The following FYTTD1 variants were observed in gnomAD, a reference collection of about 807,000 sequenced individuals.
FYTTD1 encodes the protein forty-two-three domain containing 1, also known as UAP56-interacting factor.
In FYTTD1, 22 loss-of-function variants were observed where a neutral mutation model predicts 40.9. The observed-to-expected ratio is 0.54, with a 90% confidence interval of 0.38 to 0.77. The LOEUF is 0.77. Among genes scored for constraint, FYTTD1 ranks in the 30% least tolerant of loss-of-function variants. The probability of loss-of-function intolerance (pLI) is 0.00; values close to 1 mark genes in which losing one functional copy is unlikely to be tolerated. For synonymous variants in FYTTD1, 140 were observed against 137.9 expected (o/e 1.01, Z -0.10); for missense variants, 351 against 392.2 (o/e 0.90, Z 0.89).
intron 2 of FYTTD1, chr3:197,763,460 C>T (rs1729450879): frequency 2.4e-6 from 1 of 412,906 alleles, no homozygotes; most frequent in Non-Finnish European, 4.7e-6. Context: ...TAAATATAAC[C>T]CACAGACACA....
rs552136694 is a variant in FYTTD1 at position 197,783,017 on chromosome 3, A to G, written c.*1108A>G. The G allele has an allele frequency of 1.3e-5, 2 of 152,770 alleles. No individual in the cohort carries two copies. Among genetic ancestry groups the G allele is most frequent in the East Asian group, 1.9e-4 (1 of 5,190 alleles). 9.5% of individuals were successfully genotyped at this position (152,770 alleles called of 1,614,324 possible). Reference sequence around the variant, plus strand: ...AATGCAAAATTTATAATAGAGTTACATTAACCTTGTTGTTTACCTTTCACT... The same window carrying G: ...AATGCAAAATTTATAATAGAGTTACGTTAACCTTGTTGTTTACCTTTCACT... On this transcript the variant is annotated 3_prime_UTR_variant, in exon 9 of 9. Coordinates refer to ENST00000241502, the MANE Select transcript of FYTTD1 (RefSeq NM_032288.7).
At chr3:197,781,669 A>G (rs1730031105) in intron 8 of FYTTD1, 142 bp from the exon 9 acceptor site, 2 of 589,148 alleles carry the variant, frequency 3.4e-6, no homozygotes, top group Non-Finnish European at 6.1e-6. Flanking sequence ...ATGAGGTCAT[A>G]CATGTAAATA....
chr3:197,779,939 CACCTGGGGATACAGGCACACACCAT>C (rs1729981711), intron 8 of FYTTD1, among the ~76,000 whole-genome samples: 1 of 147,256 alleles, frequency 6.8e-6, no homozygotes, highest in Non-Finnish European at 1.5e-5. Context: ...ACACACACCA[CACCTGGGGATACAGGCACACACCAT>C]ACCTGGGGAT....
intron 6 of FYTTD1, among the ~76,000 whole-genome samples, chr3:197,775,790 T>G (rs1156324125): frequency 2.0e-5 from 3 of 152,184 alleles, no homozygotes; most frequent in South Asian, 2.1e-4. Flanking sequence ...GGGAAAGAAA[T>G]AATAATTGTA....
In FYTTD1 at chr3:197,785,624, A is replaced by G. The variant is rs749934982; in HGVS notation, c.*3715A>G. On this transcript the variant is annotated 3_prime_UTR_variant, in exon 9 of 9. Transcript: ENST00000241502. ...TGAGTTTTTATTAGACTAGGTATGT[A>G]TATCATTATTAATATTTTACTGTAA... 1.3e-5 allele frequency: 2 copies of G among 152,174 alleles called. No individual in the cohort carries two copies. The highest frequency in any genetic ancestry group is 2.4e-5 in the African/African-American group (1 of 41,442). The allele number at this position is 152,174 out of a possible 1,614,324, so 9.4% of individuals were successfully genotyped here. A position where few individuals can be genotyped will look rare whatever the true frequency, so the allele number is the denominator to read the frequency against.
intron 1 of FYTTD1, among the ~76,000 whole-genome samples, chr3:197,752,789 G>T (rs1408943181): frequency 6.6e-6 from 1 of 151,920 alleles, no homozygotes; most frequent in African/African-American, 2.4e-5. Flanking sequence ...TTTGTTATTT[G>T]TTGTTATTTC....
intron 8 of FYTTD1, among the ~76,000 whole-genome samples, chr3:197,781,346 T>G (rs114107808): frequency 6.6e-6 from 1 of 152,092 alleles, no homozygotes; most frequent in Non-Finnish European, 1.5e-5. Context: ...CAAATTTGTT[T>G]TGCTTATTTT....
chr3:197,776,301 G>A (rs1328635815), intron 6 of FYTTD1, among the ~76,000 whole-genome samples: 4 of 151,032 alleles, frequency 2.6e-5, no homozygotes, highest in Non-Finnish European at 5.9e-5. Context: ...CCCCTCCCGG[G>A]TTCAAGCAGT....
At chr3:197,774,697 C>T (rs534311977) in intron 6 of FYTTD1, among the ~76,000 whole-genome samples, 91 of 148,776 alleles carry the variant, frequency 6.1e-4, no homozygotes, top group African/African-American at 2.2e-3. Flanking sequence ...CAGCATAGCT[C>T]GATCGCCAGT....
intron 1 of FYTTD1, 122 bp from the exon 2 acceptor site, chr3:197,756,304 T>G: frequency 1.4e-6 from 1 of 701,254 alleles, no homozygotes; most frequent in Non-Finnish European, 2.5e-6. Flanking sequence ...TATTATCCTC[T>G]TATGGAAGTG....
intron 2 of FYTTD1, among the ~76,000 whole-genome samples, chr3:197,765,152 C>G (rs1729508762): frequency 6.6e-6 from 1 of 152,190 alleles, no homozygotes; most frequent in Admixed American, 6.5e-5. Flanking sequence ...GGTACCCAAC[C>G]TTATTTCATA....
At chr3:197,758,152 C>G (rs1422579928) in intron 2 of FYTTD1, among the ~76,000 whole-genome samples, 1 of 151,502 alleles carries the variant, frequency 6.6e-6, no homozygotes, top group Non-Finnish European at 1.5e-5. Context: ...ATCCACCTGC[C>G]TCGGCCTCCT....
intron 2 of FYTTD1, among the ~76,000 whole-genome samples, chr3:197,762,814 G>A (rs1322346559): frequency 1.3e-5 from 2 of 152,030 alleles, no homozygotes; most frequent in African/African-American, 4.8e-5. Flanking sequence ...CCTGGCAGGC[G>A]GAGCTTGCAG....
intron 2 of FYTTD1, among the ~76,000 whole-genome samples, chr3:197,763,819 A>G (rs998695962): frequency 6.6e-6 from 1 of 152,238 alleles, no homozygotes; most frequent in Non-Finnish European, 1.5e-5. Context: ...TTATTGGGAC[A>G]TATGATGTAT....
chr3:197,758,133 C>T (rs547837526), intron 2 of FYTTD1, among the ~76,000 whole-genome samples: 15 of 152,350 alleles, frequency 9.8e-5, no homozygotes, highest in African/African-American at 3.4e-4. Flanking sequence ...GAACTCCCAG[C>T]CTCAGGTGAT....
intron 7 of FYTTD1, 63 bp downstream of exon 7, chr3:197,777,064 T>C (rs1729898215): frequency 1.0e-6 from 1 of 986,122 alleles, no homozygotes; most frequent in Non-Finnish European, 1.6e-6. Context: ...CATAAGAAAG[T>C]ATTGGACTTC....
chr3:197,772,225 GACTT>G (rs1729741904), intron 4 of FYTTD1, among the ~76,000 whole-genome samples: 1 of 152,226 alleles, frequency 6.6e-6, no homozygotes, highest in Non-Finnish European at 1.5e-5. Context: ...ATTTACGTGA[GACTT>G]ACATGTTAAT....
chr3:197,768,553 T>A lies in FYTTD1; in HGVS notation c.350T>A (p.Ile117Asn), dbSNP rs756990219. ...AAAACGACTGGAATTCGAAAAGGAATTAGTCCTATGAATCGTCCACCTCTA... is the reference window on the plus strand; with the variant it reads ...AAAACGACTGGAATTCGAAAAGGAAATAGTCCTATGAATCGTCCACCTCTA... ...ARKTTGIRKGISPMNRPPLSD... is the reference protein window; with the variant it reads ...ARKTTGIRKGNSPMNRPPLSD... The change falls in exon 3 of 9, where the codon ATT becomes AAT. Residue 117 changes from isoleucine (I) to asparagine (N), a missense_variant. Physicochemically the swap from Ile to Asn is moderately radical, Grantham distance 149 (BLOSUM62 -3). Transcript: ENST00000241502. 1 of 1,613,808 alleles carries A rather than the reference T, an allele frequency of 6.2e-7. No homozygotes were observed. Among genetic ancestry groups the A allele is most frequent in the Non-Finnish European group, 8.5e-7 (1 of 1,179,802 alleles).
chr3:197,759,877 T>TTCAGTGGTAGAATGTATAGGGTGTTCC (rs1163490382), intron 2 of FYTTD1, among the ~76,000 whole-genome samples: 1 of 144,914 alleles, frequency 6.9e-6, no homozygotes. Flanking sequence ...TAGGGTGTTC[T>TTCAGTGGTAGAATGTATAGGGTGTTCC]TCAGTGGTAG....
Sources: allele counts gnomAD v4.1 joint callset (sites outside exome capture counted in the v4.1 genomes callset), GRCh38; gene constraint gnomAD v4.1.1; transcripts MANE v1.5; gene names NCBI Gene and HGNC (gene_info 2026-07-23, HGNC 2026-07-21).